PTPRQ: variants seen among roughly 807,000 people sequenced by gnomAD.
PTPRQ encodes phosphatidylinositol phosphatase PTPRQ.
A neutral mutation model predicts 246.0 loss-of-function variants in PTPRQ; 199 were observed. That is an observed-to-expected ratio of 0.81 (90% CI 0.72 to 0.91). The LOEUF (loss-of-function observed/expected upper bound fraction) is 0.91. Among genes scored for constraint, PTPRQ ranks in the 40% least tolerant of loss-of-function variants. The probability of loss-of-function intolerance (pLI) is 0.00; values close to 1 mark genes in which losing one functional copy is unlikely to be tolerated. For synonymous variants in PTPRQ, 869 were observed against 853.2 expected (o/e 1.02, Z -0.32); for missense variants, 2,624 against 2,528.4 (o/e 1.04, Z -0.81).
chr12:80,503,096 A>G (rs1043484710), intron 14 of PTPRQ, among the ~76,000 whole-genome samples: 88 of 151,834 alleles, frequency 5.8e-4, no homozygotes, highest in African/African-American at 2.0e-3. Context: ...AAAAAGGAGT[A>G]ATAAATGCAA....
intron 25 of PTPRQ, among the ~76,000 whole-genome samples, chr12:80,569,573 A>G (rs1897083767): frequency 1.3e-5 from 2 of 152,152 alleles, no homozygotes; most frequent in South Asian, 4.2e-4. Flanking sequence ...AAACAAAAAG[A>G]ACAAAACAAA....
intron 6 of PTPRQ, 68 bp from the exon 7 acceptor site, chr12:80,468,642 G>C: frequency 7.5e-7 from 1 of 1,331,378 alleles, no homozygotes; most frequent in Non-Finnish European, 9.8e-7. Context: ...GTTTTATTAT[G>C]TGTATTTAAT....
intron 6 of PTPRQ, among the ~76,000 whole-genome samples, 199 bp from the exon 7 acceptor site, chr12:80,468,511 G>T (rs1256438740): frequency 1.3e-5 from 2 of 152,020 alleles, no homozygotes; most frequent in East Asian, 1.9e-4. Context: ...TTAAAAATAA[G>T]TTTATCTGAT....
chr12:80,534,803 A>C, intron 18 of PTPRQ, 89 bp from the exon 19 acceptor site: 1 of 1,420,456 alleles, frequency 7.0e-7, no homozygotes, highest in Non-Finnish European at 9.3e-7. Flanking sequence ...TTATCACTTT[A>C]ATTTATAAAC....
intron 6 of PTPRQ, chr12:80,462,474 G>A (rs1467984411): frequency 1.3e-5 from 2 of 155,924 alleles, no homozygotes; most frequent in East Asian, 3.9e-4. Flanking sequence ...AACCTCTGCA[G>A]ACTTAAATGT....
At chr12:80,558,989 T>C (rs1286171292) in intron 25 of PTPRQ, among the ~76,000 whole-genome samples, 1 of 152,230 alleles carries the variant, frequency 6.6e-6, no homozygotes, top group Non-Finnish European at 1.5e-5. Context: ...TACTTGTTTT[T>C]GTTAGATATA....
At chr12:80,448,054 T>A (rs1892606906) in intron 3 of PTPRQ, among the ~76,000 whole-genome samples, 1 of 152,140 alleles carries the variant, frequency 6.6e-6, no homozygotes, top group Non-Finnish European at 1.5e-5. Flanking sequence ...TTGTGTCATC[T>A]CTAATTTATT....
At chr12:80,483,969 TTTTC>T (rs1270674820) in intron 8 of PTPRQ, among the ~76,000 whole-genome samples, 2 of 142,954 alleles carry the variant, frequency 1.4e-5, no homozygotes, top group Non-Finnish European at 3.0e-5. Flanking sequence ...TTTTTGTCTA[TTTTC>T]TTTCTTTCTT....
intron 43 of PTPRQ, among the ~76,000 whole-genome samples, chr12:80,676,145 G>C (rs918389506): frequency 6.6e-6 from 1 of 152,068 alleles, no homozygotes; most frequent in Non-Finnish European, 1.5e-5. Flanking sequence ...CTTGCCTCCA[G>C]TCCTTACAAA....
chr12:80,609,773 G>C (rs1898478631), intron 27 of PTPRQ, among the ~76,000 whole-genome samples: 1 of 150,518 alleles, frequency 6.6e-6, no homozygotes, highest in Non-Finnish European at 1.5e-5. Context: ...AAGTTAAAAA[G>C]AGCAGAAAAT....
At position 80,478,792 on chromosome 12, in the gene PTPRQ, T is replaced by G. The variant is rs144423382; in HGVS notation, c.1187-5641T>G. Among the ~76,000 whole-genome samples the G allele has an allele frequency of 2.7e-3, 412 of 152,180 alleles. 10 individuals are homozygous for G. The East Asian group carries it at 0.061, about 22-fold the overall frequency. ...AGGGTATCAGCAATGGAAGATGAAG[T>G]GAATGAAACGAAGCGAGAAGGGAAG... is the stretch of plus-strand genomic sequence containing the variant. On this transcript the variant is annotated intron_variant, in intron 8 of 44. Coordinates refer to ENST00000644991, the MANE Select transcript of PTPRQ (RefSeq NM_001145026.2).
chr12:80,611,147 G>A (rs1898535356), intron 28 of PTPRQ, among the ~76,000 whole-genome samples: 1 of 150,308 alleles, frequency 6.7e-6, no homozygotes, highest in Admixed American at 6.7e-5. Context: ...TTTGATAAAT[G>A]TCAGAATACA....
At chr12:80,629,637 A>G (rs1288818828) in intron 33 of PTPRQ, among the ~76,000 whole-genome samples, 1 of 152,146 alleles carries the variant, frequency 6.6e-6, no homozygotes, top group Non-Finnish European at 1.5e-5. Context: ...CACACATGCC[A>G]CTGGAAGGAT....
intron 35 of PTPRQ, among the ~76,000 whole-genome samples, chr12:80,635,284 T>G (rs1020119740): frequency 6.6e-6 from 1 of 152,232 alleles, no homozygotes; most frequent in African/African-American, 2.4e-5. Context: ...AAATATGAAC[T>G]TTGGACTATA....
At chr12:80,565,147 A>G (rs1384229398) in intron 25 of PTPRQ, among the ~76,000 whole-genome samples, 2 of 152,234 alleles carry the variant, frequency 1.3e-5, no homozygotes, top group African/African-American at 2.4e-5. Context: ...GATCAGTTCC[A>G]AAAGTGTAAT....
chr12:80,614,502 G>A lies in PTPRQ; in HGVS notation c.5163+666G>A, dbSNP rs145118448. Among the ~76,000 whole-genome samples, 674 of 150,882 alleles carry A rather than the reference G, an allele frequency of 4.5e-3. 4 individuals carry two copies. Among genetic ancestry groups the A allele is most frequent in the African/African-American group, 0.015 (618 of 41,334 alleles). On this transcript the variant is annotated intron_variant, in intron 29 of 44. Transcript: ENST00000644991. ...TTTAGTAATCTGCCTACCAACTCTTGATTAATATCAATGTAATTATCAGGT... is the reference window on the plus strand; with the variant it reads ...TTTAGTAATCTGCCTACCAACTCTTAATTAATATCAATGTAATTATCAGGT...
intron 17 of PTPRQ, among the ~76,000 whole-genome samples, chr12:80,524,179 T>A (rs1047390747): frequency 2.6e-5 from 4 of 152,060 alleles, no homozygotes; most frequent in Non-Finnish European, 5.9e-5. Flanking sequence ...AGAGACTAGG[T>A]TTGCAACCCC....
chr12:80,613,564 AAATT>A (rs1414147701), intron 28 of PTPRQ, 24 bp from the exon 29 acceptor site: 20 of 1,471,070 alleles, frequency 1.4e-5, no homozygotes, highest in Non-Finnish European at 1.7e-5. Flanking sequence ...ATATTTTTAA[AAATT>A]AATTGTTAAA....
intron 9 of PTPRQ, among the ~76,000 whole-genome samples, chr12:80,486,000 A>G (rs1304129533): frequency 6.6e-6 from 1 of 152,140 alleles, no homozygotes; most frequent in African/African-American, 2.4e-5. Context: ...TCACTGTGCT[A>G]TATAGCAAGT....
Sources: gnomAD v4.1 joint callset for allele counts (sites outside exome capture counted in the v4.1 genomes callset) on GRCh38, gnomAD v4.1.1 for gene constraint, MANE v1.5 for transcripts, NCBI Gene and HGNC (gene_info 2026-07-23, HGNC 2026-07-21) for gene names.